Variants in CFAP161 observed in about 807,000 individuals in gnomAD.
CFAP161 encodes cilia and flagella associated protein 161, also known as cilia- and flagella-associated protein 161.
A neutral mutation model predicts 29.0 loss-of-function variants in CFAP161; 25 were observed. That is an observed-to-expected ratio of 0.86 (90% CI 0.63 to 1.20). The LOEUF is 1.20. Ranked by LOEUF, CFAP161 falls within the 50% of genes most tolerant of loss-of-function variation. The pLI is 0.00. For missense variants in CFAP161, 367 were observed against 371.9 expected, an observed-to-expected ratio of 0.99 and a Z score of 0.11; for synonymous variants, 116 against 137.4, an observed-to-expected ratio of 0.84 and a Z score of 1.09.
At chr15:81,110,567 T>C (rs544541266) in intron 1 of CFAP161, among the ~76,000 whole-genome samples, 1 of 152,320 alleles carries the variant, frequency 6.6e-6, no homozygotes, top group East Asian at 1.9e-4. Context: ...AGACTGAGAC[T>C]AAACACTACT....
In CFAP161 at chr15:81,147,912, C is replaced by A. The variant is rs773697147; in HGVS notation, c.691C>A (p.His231Asn). The A allele has an allele frequency of 6.2e-7, 1 of 1,611,034 alleles. No individual in the cohort carries two copies. Among genetic ancestry groups the A allele is most frequent in the Non-Finnish European group, 8.5e-7 (1 of 1,178,576 alleles). ...TCACACAAATCGGGGACTGGCAGCC[C>A]ACCGGCATCTTTTCTTAAGGTATTG... ...HCHTNRGLAAHRHLFLSTYFG... is the reference protein window; with the variant it reads ...HCHTNRGLAANRHLFLSTYFG... Residue 231 changes from histidine (H) to asparagine (N), a missense_variant, in exon 6 of 7, where the codon CAC becomes AAC. Coordinates refer to ENST00000286732, the MANE Select transcript of CFAP161 (RefSeq NM_173528.4).
At chr15:81,147,727 T>C (rs1459905722) in intron 5 of CFAP161, 131 bp from the exon 6 acceptor site, 4 of 546,142 alleles carry the variant, frequency 7.3e-6, no homozygotes, top group South Asian at 5.9e-5. Flanking sequence ...TGAATATATA[T>C]AATTTTTTTC....
Position 81,143,812 on chromosome 15 carries a change from C to T in CFAP161, c.628C>T (p.Pro210Ser), listed in dbSNP as rs966695365. 1.9e-6 allele frequency: 3 copies of T among 1,613,972 alleles called. No homozygotes were observed. The highest frequency in any genetic ancestry group is 1.1e-5 in the South Asian group (1 of 91,064). The change falls in exon 5 of 7, where the codon CCC becomes TCC. Residue 210 changes from proline to serine, a missense_variant. Transcript: ENST00000286732. ...PQLRLEYEGF[P>S]VPANAKILIN... is the part of the protein sequence containing the mutation. ...GTTACGCCTGGAATATGAAGGCTTC[C>T]CCGTCCCGGTGAGTGCAGCATCGGG...
intron 5 of CFAP161, among the ~76,000 whole-genome samples, chr15:81,146,738 G>C (rs1044113786): frequency 1.3e-5 from 2 of 149,250 alleles, no homozygotes; most frequent in African/African-American, 4.9e-5. Flanking sequence ...ATGAATCTTG[G>C]GACCTAAACT....
intron 6 of CFAP161, 147 bp from the exon 7 acceptor site, chr15:81,148,191 C>T: frequency 2.3e-6 from 2 of 856,468 alleles, no homozygotes; most frequent in Non-Finnish European, 3.6e-6. Flanking sequence ...GTGTAACCTC[C>T]CTGCAAACAT....
upstream of CFAP161, among the ~76,000 whole-genome samples, chr15:81,133,223 A>ATTTT (rs1555449903): frequency 1.6e-4 from 4 of 25,708 alleles, no homozygotes; most frequent in African/African-American, 4.7e-4. Flanking sequence ...ATATATATAT[A>ATTTT]TGTATTTTTT....
chr15:81,122,585 A>G (rs1025394945), intron 1 of CFAP161, among the ~76,000 whole-genome samples: 1 of 150,984 alleles, frequency 6.6e-6, no homozygotes, highest in African/African-American at 2.4e-5. Context: ...TCTGCCTGCC[A>G]GGTTCAAGCG....
chr15:81,124,062 CT>C (rs1894609431), intron 1 of CFAP161, among the ~76,000 whole-genome samples: 4 of 152,186 alleles, frequency 2.6e-5, no homozygotes, highest in Admixed American at 2.6e-4. Flanking sequence ...CTGGCCAGAA[CT>C]TCCAATACTA....
At chr15:81,118,720 G>T (rs1894532664) in intron 1 of CFAP161, among the ~76,000 whole-genome samples, 1 of 152,254 alleles carries the variant, frequency 6.6e-6, no homozygotes, top group African/African-American at 2.4e-5. Context: ...TGCACGACCC[G>T]CCAGCGGAGC....
intron 4 of CFAP161, among the ~76,000 whole-genome samples, chr15:81,140,566 CTT>C (rs906022716): frequency 6.9e-6 from 1 of 144,998 alleles, no homozygotes; most frequent in Non-Finnish European, 1.5e-5. Flanking sequence ...TTTTTTTTTC[CTT>C]TTTTTTTTGA....
chr15:81,138,002 T>G (rs12438947), intron 3 of CFAP161, 49 bp from the exon 4 acceptor site: 234,261 of 1,391,512 alleles, frequency 0.17, 24,781 homozygotes, highest in East Asian at 0.44. Context: ...ATAGAATGAT[T>G]CTAATACAGA....
chr15:81,146,608 A>G (rs1895009821), intron 5 of CFAP161, among the ~76,000 whole-genome samples: 1 of 151,712 alleles, frequency 6.6e-6, no homozygotes, highest in African/African-American at 2.4e-5. Context: ...GTGTGTGTAT[A>G]AATATATATA....
chr15:81,136,239 A>G (rs1392502189), intron 2 of CFAP161, among the ~76,000 whole-genome samples: 5 of 152,260 alleles, frequency 3.3e-5, no homozygotes. Flanking sequence ...AATGCCCCTT[A>G]GTTGGTAATC....
chr15:81,106,715 A>G (rs1894377498), intron 1 of CFAP161, among the ~76,000 whole-genome samples: 1 of 152,206 alleles, frequency 6.6e-6, no homozygotes, highest in Non-Finnish European at 1.5e-5. Flanking sequence ...TTCAAAGGTC[A>G]GGGAAGCCCT....
chr15:81,134,752 A>G (rs1302352230), intron 1 of CFAP161, among the ~76,000 whole-genome samples: 1 of 152,180 alleles, frequency 6.6e-6, no homozygotes, highest in African/African-American at 2.4e-5. Flanking sequence ...GCTGCGGGCC[A>G]GGTGAGGACA....
chr15:81,100,781 T>A (rs1433104112), intron 1 of CFAP161, among the ~76,000 whole-genome samples: 1 of 151,468 alleles, frequency 6.6e-6, no homozygotes, highest in Non-Finnish European at 1.5e-5. Flanking sequence ...CAGGCAATCC[T>A]CCTGCCTTGG....
At chr15:81,105,146 TCCC>T (rs1894350478) in intron 1 of CFAP161, among the ~76,000 whole-genome samples, 1 of 13,632 alleles carries the variant, frequency 7.3e-5, no homozygotes, top group African/African-American at 2.8e-4. Flanking sequence ...CTCCCCTCCC[TCCC>T]TCCCTCCCTC....
intron 3 of CFAP161, among the ~76,000 whole-genome samples, chr15:81,137,056 T>C (rs940021708): frequency 1.3e-5 from 2 of 151,914 alleles, no homozygotes; most frequent in African/African-American, 4.8e-5. Flanking sequence ...TTGGAACTTT[T>C]TGAGCTCATT....
chr15:81,147,163 C>T (rs560132966), intron 5 of CFAP161, among the ~76,000 whole-genome samples: 4 of 152,022 alleles, frequency 2.6e-5, no homozygotes, highest in South Asian at 4.2e-4. Flanking sequence ...ATTCCTCTAC[C>T]GCCCTCTCAC....
Sources: allele counts gnomAD v4.1 joint callset (sites outside exome capture counted in the v4.1 genomes callset), GRCh38; gene constraint gnomAD v4.1.1; transcripts MANE v1.5; gene names NCBI Gene and HGNC (gene_info 2026-07-23, HGNC 2026-07-21).